ZBTB25: variants seen among roughly 807,000 people sequenced by gnomAD.
ZBTB25 encodes the protein zinc finger and BTB domain-containing protein 25.
Under a neutral mutation model 34.2 loss-of-function variants are expected in ZBTB25, and 20 were observed. The ratio of observed to expected loss-of-function variants is 0.58; its 90% CI spans 0.41 to 0.85. The LOEUF (loss-of-function observed/expected upper bound fraction) is 0.85. ZBTB25 is among the 40% of genes least tolerant of loss of function. The pLI is 0.00. For synonymous variants in ZBTB25, 175 were observed against 186.4 expected, an observed-to-expected ratio of 0.94 and a Z score of 0.50; for missense variants, 437 against 521.8, an observed-to-expected ratio of 0.84 and a Z score of 1.58.
intron 1 of ZBTB25, among the ~76,000 whole-genome samples, chr14:64,499,109 C>T (rs529018017): frequency 6.4e-4 from 98 of 152,242 alleles, no homozygotes; most frequent in African/African-American, 2.3e-3. Context: ...TTGTATAACT[C>T]TGGATTAGTT....
intron 2 of ZBTB25, among the ~76,000 whole-genome samples, chr14:64,463,812 A>G (rs2078582304): frequency 6.6e-6 from 1 of 152,050 alleles, no homozygotes; most frequent in African/African-American, 2.4e-5. Flanking sequence ...CTTCACCTAA[A>G]TAAGCTCATC....
chr14:64,449,822 T>C (rs981520573), intron 2 of ZBTB25, among the ~76,000 whole-genome samples: 1 of 152,234 alleles, frequency 6.6e-6, no homozygotes, highest in Non-Finnish European at 1.5e-5. Flanking sequence ...GGAGTCTTGC[T>C]CTTTTGCCCA....
intron 1 of ZBTB25, among the ~76,000 whole-genome samples, chr14:64,498,929 CA>C (rs2079390325): frequency 6.6e-6 from 1 of 152,170 alleles, no homozygotes; most frequent in Non-Finnish European, 1.5e-5. Context: ...CCACCGCGCC[CA>C]GCCCAGATTC....
intron 2 of ZBTB25, among the ~76,000 whole-genome samples, chr14:64,453,287 C>A (rs930192088): frequency 6.6e-6 from 1 of 151,802 alleles, no homozygotes; most frequent in African/African-American, 2.4e-5. Context: ...AGAAAGTGTT[C>A]CTGGCTGGGT....
rs555007578 is a variant in ZBTB25, at chr14:64,458,880, C to T, written c.174-9242G>A. Among the ~76,000 whole-genome samples, 148 of 152,270 alleles carry T rather than the reference C, an allele frequency of 9.7e-4. 1 individual carries two copies. The highest frequency in any genetic ancestry group is 1.8e-3 in the Non-Finnish European group (120 of 68,034). ...CAGGACGTGTCTCTCCTTAGGCAGA[C>T]CCTTGGGGCTGAAGCAGCAAGTTGC... On this transcript the variant is annotated intron_variant, in intron 2 of 2. Transcript: ENST00000555220.
intron 2 of ZBTB25, chr14:64,453,718 C>CA: frequency 8.0e-7 from 1 of 1,246,922 alleles, no homozygotes; most frequent in Non-Finnish European, 1.2e-6. Context: ...CACATGTGTC[C>CA]AGTCATGGTG....
At chr14:64,475,939 G>GA (rs2078715862), downstream of ZBTB25, among the ~76,000 whole-genome samples, 1 of 152,194 alleles carries the variant, frequency 6.6e-6, no homozygotes, top group Non-Finnish European at 1.5e-5. Flanking sequence ...GCCTTGATAT[G>GA]ACAGTGCTAC....
rs2078752667 is a variant in ZBTB25 at position 64,479,389 on chromosome 14, TCTC to T, written c.*7531_*7533del. 6.6e-6 allele frequency: 1 copy of T among 151,968 alleles called. No homozygotes were observed. The highest frequency in any genetic ancestry group is 1.5e-5 in the Non-Finnish European group (1 of 68,004). 9.4% of individuals were successfully genotyped at this position (151,968 alleles called of 1,614,324 possible). On this transcript the variant is annotated 3_prime_UTR_variant, in exon 3 of 3. Coordinates refer to ENST00000608382, the MANE Select transcript of ZBTB25 (RefSeq NM_006977.5). ...CACCCAACTGTGACAACCAAAAACATCTCCACATCGTCAAATGTCTCTATGGGG... is the reference window on the plus strand; with the variant it reads ...CACCCAACTGTGACAACCAAAAACATCACATCGTCAAATGTCTCTATGGGG...
At chr14:64,490,642 A>G (rs935373191) in intron 1 of ZBTB25, 102 bp from the exon 2 acceptor site, 6 of 1,047,386 alleles carry the variant, frequency 5.7e-6, no homozygotes, top group African/African-American at 3.2e-5. Context: ...CCTACAGAGT[A>G]ACAAGGAGAT....
Position 64,503,708 on chromosome 14 carries a change from G to T in ZBTB25, c.-55C>A. 1.4e-6 allele frequency: 1 copy of T among 707,618 alleles called. No homozygotes were observed. The highest frequency in any genetic ancestry group is 1.7e-6 in the Non-Finnish European group (1 of 576,114). 43.8% of individuals were successfully genotyped at this position (707,618 alleles called of 1,614,324 possible). A position where few individuals can be genotyped will look rare whatever the true frequency, so the allele number is the denominator to read the frequency against. On this transcript the variant is annotated 5_prime_UTR_variant, in exon 1 of 3. Transcript: ENST00000608382. ...GCCGACTCCTCCGTGCAGGAGGGGC[G>T]GGCTCCCAAGCCGCGCACTGCAAGC...
At chr14:64,449,383 A>G in exon 3 of ZBTB25, 1 of 1,577,522 alleles carries the variant, frequency 6.3e-7, no homozygotes, top group Non-Finnish European at 8.7e-7. Context: ...AATGGCAAAA[A>G]GAAGACAATT....
chr14:64,503,037 T>G (rs1030318716), intron 1 of ZBTB25: 1 of 985,326 alleles, frequency 1.0e-6, no homozygotes, highest in African/African-American at 1.7e-5. Flanking sequence ...TTCCAGGTAC[T>G]ACGTTGTGCT....
rs1010488246 is a variant in ZBTB25, at chr14:64,478,762, T to A, written c.*8161A>T. On this transcript the variant is annotated 3_prime_UTR_variant, in exon 3 of 3. Transcript: ENST00000608382. ...AAAATTCTCATTAGTCTTGACTCTA[T>A]AAAGCATGATCCAAAAGTAGCTAAG... is the stretch of plus-strand genomic sequence containing the variant. 3 of 152,240 alleles carry A rather than the reference T, an allele frequency of 2.0e-5. No individual in the cohort carries two copies. Among genetic ancestry groups the A allele is most frequent in the African/African-American group, 7.2e-5 (3 of 41,464 alleles). 9.4% of individuals were successfully genotyped at this position (152,240 alleles called of 1,614,324 possible).
chr14:64,452,519 C>T (rs994401330), intron 2 of ZBTB25, among the ~76,000 whole-genome samples: 27 of 152,324 alleles, frequency 1.8e-4, no homozygotes, highest in African/African-American at 5.8e-4. Flanking sequence ...GAAGGCTTTG[C>T]CCCGGAGGAA....
At chr14:64,466,515 T>G (rs2078615030) in intron 2 of ZBTB25, among the ~76,000 whole-genome samples, 1 of 152,208 alleles carries the variant, frequency 6.6e-6, no homozygotes, top group African/African-American at 2.4e-5. Flanking sequence ...GTGAGAAGAT[T>G]TAAACAGTTA....
chr14:64,503,194 G>A, intron 1 of ZBTB25: 1 of 985,490 alleles, frequency 1.0e-6, no homozygotes, highest in Non-Finnish European at 1.2e-6. Context: ...AAAAGGGGGG[G>A]ATGTCTTCTT....
chr14:64,461,297 C>T lies in ZBTB25; in HGVS notation c.174-11659G>A, dbSNP rs566232351. The T allele has an allele frequency of 4.3e-3, 658 of 152,274 alleles. 3 individuals carry two copies. Among genetic ancestry groups the T allele is most frequent in the Non-Finnish European group, 6.9e-3 (468 of 68,046 alleles). The allele number at this position is 152,274 out of a possible 1,614,324, so 9.4% of individuals were successfully genotyped here. A position where few individuals can be genotyped will look rare whatever the true frequency, so the allele number is the denominator to read the frequency against. ...ATTTTACAGTCCACAGAAATGATAG[C>T]GCTGCCTTGAGAGGCATATGGCAAA... On this transcript the variant is annotated intron_variant, in intron 2 of 2. Transcript: ENST00000555220.
intron 2 of ZBTB25, among the ~76,000 whole-genome samples, chr14:64,451,692 C>G (rs972873302): frequency 6.6e-6 from 1 of 152,170 alleles, no homozygotes; most frequent in Non-Finnish European, 1.5e-5. Flanking sequence ...ACTTTAGAAC[C>G]CATTTCTACT....
Position 64,479,726 on chromosome 14 carries a change from C to G in ZBTB25, c.*7197G>C, listed in dbSNP as rs538663257. 1 of 152,318 alleles carries G rather than the reference C, an allele frequency of 6.6e-6. No individual in the cohort carries two copies. Among genetic ancestry groups the G allele is most frequent in the East Asian group, 1.9e-4 (1 of 5,186 alleles). 9.4% of individuals were successfully genotyped at this position (152,318 alleles called of 1,614,324 possible). ...ACATCAGCTCTTCTTGAGTTTCAAG[C>G]CTGCCAGCTTTTGGACTGGAACTTA... is the stretch of plus-strand genomic sequence containing the variant. On this transcript the variant is annotated 3_prime_UTR_variant, in exon 3 of 3. Coordinates refer to ENST00000608382, the MANE Select transcript of ZBTB25 (RefSeq NM_006977.5).
Sources: gnomAD v4.1 joint callset for allele counts (sites outside exome capture counted in the v4.1 genomes callset) on GRCh38, gnomAD v4.1.1 for gene constraint, MANE v1.5 for transcripts, NCBI Gene and HGNC (gene_info 2026-07-23, HGNC 2026-07-21) for gene names.